Variants in DTD1 observed in about 807,000 individuals in gnomAD.
DTD1 encodes D-tyrosyl-tRNA deacylase 1 homolog.
DTD1 carries 13 observed loss-of-function variants against 25.6 expected under a neutral mutation model. The ratio of observed to expected loss-of-function variants is 0.51; its 90% confidence interval spans 0.33 to 0.81. The LOEUF is 0.81. DTD1 is among the 30% of genes least tolerant of loss of function. DTD1 has a pLI of 0.02. For missense variants in DTD1, 193 were observed against 266.4 expected, an observed-to-expected ratio of 0.72 and a Z score of 1.92; for synonymous variants, 110 against 103.6, an observed-to-expected ratio of 1.06 and a Z score of -0.37.
intron 4 of DTD1, among the ~76,000 whole-genome samples, chr20:18,672,591 GTAT>G (rs1053448041): frequency 2.4e-4 from 37 of 152,256 alleles, no homozygotes; most frequent in African/African-American, 8.7e-4. Flanking sequence ...TCCTAACTCA[GTAT>G]TTTGAAGAAT....
intron 4 of DTD1, among the ~76,000 whole-genome samples, chr20:18,652,591 A>G (rs898072526): frequency 2.0e-5 from 3 of 152,166 alleles, no homozygotes; most frequent in Admixed American, 1.3e-4. Flanking sequence ...GTGGGTCTCT[A>G]CCTGGGCTGC....
intron 5 of DTD1, among the ~76,000 whole-genome samples, chr20:18,750,792 C>G (rs553161535): frequency 6.6e-6 from 1 of 152,192 alleles, no homozygotes; most frequent in Admixed American, 6.5e-5. Flanking sequence ...GCACTAGGGC[C>G]ACCTCTCACT....
chr20:18,609,873 C>T (rs2060679665), intron 3 of DTD1, among the ~76,000 whole-genome samples: 1 of 152,124 alleles, frequency 6.6e-6, no homozygotes, highest in African/African-American at 2.4e-5. Flanking sequence ...TTTTTCCTAC[C>T]CTATGTCCAC....
intron 3 of DTD1, among the ~76,000 whole-genome samples, chr20:18,612,347 T>G (rs1361941654): frequency 6.6e-6 from 1 of 152,166 alleles, no homozygotes; most frequent in Non-Finnish European, 1.5e-5. Flanking sequence ...ACATGTTTAT[T>G]ATTATTGTTA....
chr20:18,625,324 C>T (rs967057912), intron 3 of DTD1, among the ~76,000 whole-genome samples: 5 of 152,364 alleles, frequency 3.3e-5, no homozygotes, highest in African/African-American at 1.2e-4. Flanking sequence ...CAGATATTTT[C>T]ACCACCAAGT....
chr20:18,656,777 A>G (rs527753371), intron 4 of DTD1, among the ~76,000 whole-genome samples: 1 of 152,196 alleles, frequency 6.6e-6, no homozygotes, highest in African/African-American at 2.4e-5. Context: ...TACCTTCCTT[A>G]GTCGTGGCCG....
rs554649445 is a variant in DTD1 at position 18,639,559 on chromosome 20, C to T, written c.477+11326C>T. On this transcript the variant is annotated intron_variant, in intron 4 of 5. Coordinates refer to ENST00000377452, the MANE Select transcript of DTD1 (RefSeq NM_080820.6). ...GGAGAAGGTTGTCCTACTGTGGGCT[C>T]CAGCGTGCCTCTTGCTGCTAGCTGG... Among the ~76,000 whole-genome samples, 35 of 152,036 alleles carry T rather than the reference C, an allele frequency of 2.3e-4. 1 individual carries two copies. The South Asian group carries it at 7.1e-3, about 31-fold the overall frequency.
In DTD1 at chr20:18,588,156, A is replaced by T. The variant is rs1351858037; in HGVS notation, c.43+41A>T. The T allele has an allele frequency of 4.9e-6, 6 of 1,232,596 alleles. No individual in the cohort carries two copies. In the African/African-American group the frequency reaches 6.3e-5, roughly 13 times the overall value. 76.4% of individuals were successfully genotyped at this position (1,232,596 alleles called of 1,614,324 possible). A position where few individuals can be genotyped will look rare whatever the true frequency, so the allele number is the denominator to read the frequency against. ...CCGGGCCCGGGAGGAGCCGCCCCTG[A>T]CCCCCGCGACCGGCTGTCTTGCGTG... is the stretch of plus-strand genomic sequence containing the variant. On this transcript the variant is annotated intron_variant, in intron 1 of 5. Transcript: ENST00000377452.
intron 1 of DTD1, among the ~76,000 whole-genome samples, chr20:18,590,030 C>T (rs975319614): frequency 7.9e-5 from 12 of 152,102 alleles, no homozygotes; most frequent in African/African-American, 2.9e-4. Flanking sequence ...TGAAATGTGG[C>T]TGTGTTTGAA....
chr20:18,678,713 T>A (rs2060985359), intron 4 of DTD1: 1 of 152,266 alleles, frequency 6.6e-6, no homozygotes, highest in Non-Finnish European at 1.5e-5. Context: ...TTGTTTTCTC[T>A]CTCTACTTCC....
rs74180929 is a variant in DTD1, at chr20:18,690,136, T to TAA, written c.478-53947_478-53946dup. On this transcript the variant is annotated intron_variant, in intron 4 of 5. Transcript: ENST00000377452. ...GGGTGACAGAGCAAGACCCTGTCTCTAAAAAAAAAAAAAAAAAATTAAAAA... is the reference window on the plus strand; with the variant it reads ...GGGTGACAGAGCAAGACCCTGTCTCTAAAAAAAAAAAAAAAAAAAATTAAAAA... Among the ~76,000 whole-genome samples, 685 of 129,844 alleles carry TAA rather than the reference T, an allele frequency of 5.3e-3. 4 individuals carry two copies. The highest frequency in any genetic ancestry group is 0.033 in the East Asian group (149 of 4,534). The allele number at this position is 129,844 out of a possible 152,430, so 85.2% of individuals were successfully genotyped here.
At chr20:18,721,983 C>T (rs7271443) in intron 4 of DTD1, among the ~76,000 whole-genome samples, 52,854 of 152,048 alleles carry the variant, frequency 0.35, 9,514 homozygotes, top group Non-Finnish European at 0.4. Context: ...AGGGCAACCC[C>T]AGGGCTCCAT....
At chr20:18,703,421 T>A (rs987437760) in intron 4 of DTD1, among the ~76,000 whole-genome samples, 1 of 152,156 alleles carries the variant, frequency 6.6e-6, no homozygotes. Flanking sequence ...TGCCTTTTCT[T>A]TAGCTTGAGG....
At chr20:18,623,896 G>GTC (rs991578022) in intron 3 of DTD1, among the ~76,000 whole-genome samples, 2 of 151,868 alleles carry the variant, frequency 1.3e-5, no homozygotes, top group African/African-American at 4.8e-5. Context: ...GTGTGTGTGT[G>GTC]TGTGTGTGTG....
chr20:18,711,211 A>T (rs995142427), intron 4 of DTD1, among the ~76,000 whole-genome samples: 1 of 152,160 alleles, frequency 6.6e-6, no homozygotes, highest in Non-Finnish European at 1.5e-5. Context: ...TTACCTGCTT[A>T]GTACTCAGCT....
At chr20:18,699,366 G>A (rs1450102287) in intron 4 of DTD1, among the ~76,000 whole-genome samples, 1 of 152,164 alleles carries the variant, frequency 6.6e-6, no homozygotes, top group Non-Finnish European at 1.5e-5. Context: ...AGTAGGAACA[G>A]AGAAGGCCAG....
intron 2 of DTD1, among the ~76,000 whole-genome samples, chr20:18,594,027 C>T (rs1411518990): frequency 6.6e-6 from 1 of 152,162 alleles, no homozygotes; most frequent in Non-Finnish European, 1.5e-5. Context: ...AGCCTTTGAG[C>T]AGGAGCACCG....
At chr20:18,659,405 A>C (rs778604450) in intron 4 of DTD1, among the ~76,000 whole-genome samples, 8 of 152,150 alleles carry the variant, frequency 5.3e-5, no homozygotes, top group Non-Finnish European at 7.3e-5. Flanking sequence ...CTACAAGTAC[A>C]TGTGCCCTTT....
At position 18,668,745 on chromosome 20, in the gene DTD1, C is replaced by T. The variant is rs61587703; in HGVS notation, c.477+40512C>T. Among the ~76,000 whole-genome samples, 830 of 152,322 alleles carry T rather than the reference C, an allele frequency of 5.4e-3. 10 individuals carry two copies. The highest frequency in any genetic ancestry group is 0.018 in the African/African-American group (756 of 41,566). ...TCATTTTCACGCAGCTCATAGTCCT[C>T]TCTGAACTGCTCACTGTTCTTTCTT... On this transcript the variant is annotated intron_variant, in intron 4 of 5. Coordinates refer to ENST00000377452, the MANE Select transcript of DTD1 (RefSeq NM_080820.6).
Sources: allele counts gnomAD v4.1 joint callset (sites outside exome capture counted in the v4.1 genomes callset), GRCh38; gene constraint gnomAD v4.1.1; transcripts MANE v1.5; gene names NCBI Gene and HGNC (gene_info 2026-07-23, HGNC 2026-07-21).